The following AFF2 variants were observed in gnomAD, a reference collection of about 807,000 sequenced individuals.
The protein encoded by AFF2 is AF4/FMR2 family member 2.
AFF2 carries 14 observed loss-of-function variants against 76.9 expected under a neutral mutation model. That is an observed-to-expected ratio of 0.18 (90% confidence interval 0.12 to 0.28). AFF2 has a LOEUF of 0.28. Among genes scored for constraint, AFF2 ranks in the 10% least tolerant of loss-of-function variants. The probability of loss-of-function intolerance (pLI) is 1.00; values close to 1 mark genes in which losing one functional copy is unlikely to be tolerated. For missense variants in AFF2, 868 were observed against 1,001.1 expected (o/e 0.87, Z 1.79); for synonymous variants, 398 against 366.7 (o/e 1.09, Z -0.98).
intron 3 of AFF2, among the ~76,000 whole-genome samples, chrX:148,788,738 G>A (rs1331400187): frequency 8.9e-5 from 10 of 112,243 alleles, no homozygotes; most frequent in Non-Finnish European, 1.1e-4. Context: ...TGATGGTAGC[G>A]TGTGGAGGGT....
At chrX:148,721,201 A>G (rs1557263782) in intron 3 of AFF2, among the ~76,000 whole-genome samples, 1 of 112,297 alleles carries the variant, frequency 8.9e-6, no homozygotes, top group Non-Finnish European at 1.9e-5. Flanking sequence ...ATATGCACAG[A>G]AAGAAACATG....
rs2055062303 is a variant in AFF2, at chrX:148,719,219, C to A, written c.1041+56451C>A. 6 of 1,148,505 alleles carry A rather than the reference C, an allele frequency of 5.2e-6. No homozygotes were observed. In the South Asian group the frequency reaches 1.1e-4, roughly 22 times the overall value. 94.6% of individuals were successfully genotyped at this position (1,148,505 alleles called of 1,213,427 possible). On this transcript the variant is annotated intron_variant, in intron 3 of 20. Coordinates refer to ENST00000370460, the MANE Select transcript of AFF2 (RefSeq NM_002025.4). Reference sequence around the variant, plus strand: ...GGAGGCACCAAGCATTTCCGTCCTTCTTCAAGATGAAGGTAGGCAATATGA... The same window carrying A: ...GGAGGCACCAAGCATTTCCGTCCTTATTCAAGATGAAGGTAGGCAATATGA...
At chrX:148,788,408 TGTG>T (rs2069850218) in intron 3 of AFF2, among the ~76,000 whole-genome samples, 1 of 112,080 alleles carries the variant, frequency 8.9e-6, no homozygotes, top group Non-Finnish European at 1.9e-5. Flanking sequence ...CATATGTCTG[TGTG>T]GGCCCCCATT....
At chrX:148,899,188 G>A (rs998640087) in intron 8 of AFF2, among the ~76,000 whole-genome samples, 1 of 111,891 alleles carries the variant, frequency 8.9e-6, no homozygotes, top group East Asian at 2.8e-4. Flanking sequence ...ATGCCAGCTG[G>A]GGTTTAGCCT....
At chrX:148,609,821 T>A (rs1557249258) in intron 1 of AFF2, among the ~76,000 whole-genome samples, 1 of 111,633 alleles carries the variant, frequency 9.0e-6, no homozygotes, top group Non-Finnish European at 1.9e-5. Flanking sequence ...CCCAGGGAAC[T>A]ACAAGGATTG....
intron 7 of AFF2, among the ~76,000 whole-genome samples, chrX:148,881,770 TAAC>T (rs1483104200): frequency 9.0e-6 from 1 of 111,474 alleles, no homozygotes; most frequent in Non-Finnish European, 1.9e-5. Context: ...ACAATAATAA[TAAC>T]AATATCAATA....
intron 3 of AFF2, among the ~76,000 whole-genome samples, chrX:148,705,770 G>A (rs1421181437): frequency 1.8e-5 from 2 of 111,741 alleles, no homozygotes; most frequent in Non-Finnish European, 3.8e-5. Flanking sequence ...TTGAGTTAGA[G>A]GAAGTATGAG....
chrX:148,906,617 C>A, intron 9 of AFF2, among the ~76,000 whole-genome samples: 1 of 112,160 alleles, frequency 8.9e-6, no homozygotes, highest in South Asian at 3.8e-4. Flanking sequence ...GGACAATGAT[C>A]GGGATATAAA....
chrX:148,551,935 T>C (rs782575167), intron 1 of AFF2, among the ~76,000 whole-genome samples: 117 of 112,468 alleles, frequency 1.0e-3, no homozygotes, highest in African/African-American at 3.6e-3. Context: ...ACGTGGGTGC[T>C]CCATGACTAC....
intron 1 of AFF2, among the ~76,000 whole-genome samples, chrX:148,580,308 G>T (rs1411143485): frequency 1.8e-5 from 2 of 111,348 alleles, no homozygotes; most frequent in Non-Finnish European, 3.8e-5. Flanking sequence ...CTCTTAGGGG[G>T]CTTATCCTTG....
In AFF2 at chrX:148,662,625, G is replaced by A. The variant is rs1372445529; in HGVS notation, c.898G>A (p.Asp300Asn). Residue 300 changes from aspartate to asparagine, a missense_variant, in exon 3 of 21, where the codon GAC becomes AAC. Asp to Asn is a conservative substitution (Grantham distance 23). Around this residue, in one of 6 missense-constraint regions of AFF2, gnomAD observed 532 missense variants for 564.2 expected, o/e 0.94. Transcript: ENST00000370460. ...CATGGATGGCCAGGACCAGGCACCG[G>A]ACATCTCACCAACACTGAAACCTTC... ...RPMDGQDQAP[D>N]ISPTLKPSIE... The A allele has an allele frequency of 2.1e-5, 26 of 1,211,673 alleles. No individual in the cohort carries two copies. The highest frequency in any genetic ancestry group is 2.9e-5 in the Non-Finnish European group (26 of 895,552).
At chrX:148,672,850 C>T (rs1353148681) in intron 3 of AFF2, among the ~76,000 whole-genome samples, 1 of 111,475 alleles carries the variant, frequency 9.0e-6, no homozygotes, top group Non-Finnish European at 1.9e-5. Context: ...CCTCAGACAA[C>T]ACAGCTAAAA....
At chrX:148,563,038 C>T (rs1247893200) in intron 1 of AFF2, among the ~76,000 whole-genome samples, 1 of 111,950 alleles carries the variant, frequency 8.9e-6, no homozygotes, top group Admixed American at 9.5e-5. Flanking sequence ...GAGCCGAGGC[C>T]TGCAGGATGA....
intron 1 of AFF2, among the ~76,000 whole-genome samples, chrX:148,619,757 A>G (rs2053848249): frequency 9.0e-6 from 1 of 111,684 alleles, no homozygotes; most frequent in African/African-American, 3.3e-5. Flanking sequence ...CCAAATATAT[A>G]ACAACAGTTT....
intron 3 of AFF2, among the ~76,000 whole-genome samples, chrX:148,709,216 T>A (rs782552909): frequency 2.1e-4 from 23 of 111,976 alleles, no homozygotes; most frequent in Non-Finnish European, 4.0e-4. Context: ...AATAAAATAC[T>A]AAAAAAATTT....
chrX:148,869,946 A>C (rs1376892183), intron 7 of AFF2, among the ~76,000 whole-genome samples: 1 of 111,304 alleles, frequency 9.0e-6, no homozygotes, highest in African/African-American at 3.3e-5. Context: ...CACCGTAAGG[A>C]CCTCAAGACC....
chrX:148,740,047 G>A (rs782696357), intron 3 of AFF2, among the ~76,000 whole-genome samples: 105 of 111,765 alleles, frequency 9.4e-4, no homozygotes, highest in Non-Finnish European at 1.7e-3. Context: ...GCCTTCATAG[G>A]TTATCTGGTG....
At chrX:148,985,210 T>C (rs1177221406) in intron 19 of AFF2, among the ~76,000 whole-genome samples, 1 of 102,899 alleles carries the variant, frequency 9.7e-6, no homozygotes, top group Non-Finnish European at 2.0e-5. Context: ...GTTTTCGAAC[T>C]CCTGACCTCA....
intron 9 of AFF2, among the ~76,000 whole-genome samples, chrX:148,909,048 A>T (rs1410192815): frequency 1.8e-5 from 2 of 112,160 alleles, no homozygotes; most frequent in East Asian, 2.8e-4. Flanking sequence ...CTTTTTTGTG[A>T]TGCTGAAGGT....
Sources: allele counts gnomAD v4.1 joint callset (sites outside exome capture counted in the v4.1 genomes callset), GRCh38; gene constraint gnomAD v4.1.1; regional missense constraint gnomAD v4.1.1; transcripts MANE v1.5; gene names NCBI Gene and HGNC (gene_info 2026-07-23, HGNC 2026-07-21).